COL18A1: variants seen among roughly 807,000 people sequenced by gnomAD.
COL18A1 encodes the protein collagen type XVIII alpha 1 chain.
COL18A1 carries 133 observed loss-of-function variants against 168.0 expected under a neutral mutation model. The observed-to-expected ratio is 0.79, with a 90% CI of 0.69 to 0.91. The LOEUF (loss-of-function observed/expected upper bound fraction) is 0.91. Ranked by LOEUF, COL18A1 falls within the 40% of genes least tolerant of loss-of-function variation. The pLI, the probability that COL18A1 is intolerant of heterozygous loss-of-function variation, is 0.00. For synonymous variants in COL18A1, 949 were observed against 809.0 expected (o/e 1.17, Z -2.94); for missense variants, 2,126 against 1,925.4 (o/e 1.10, Z -1.95).
chr21:45,405,550 C>T (rs2033069503), intron 2 of COL18A1, 77 bp downstream of exon 2: 1 of 906,764 alleles, frequency 1.1e-6, no homozygotes, highest in Non-Finnish European at 1.4e-6. Flanking sequence ...CCCCGCCCGG[C>T]TCCCTCACCC....
intron 2 of COL18A1, among the ~76,000 whole-genome samples, chr21:45,467,956 G>T (rs1016363878): frequency 6.6e-6 from 1 of 152,310 alleles, no homozygotes; most frequent in East Asian, 1.9e-4. Context: ...ATGGAAGGGG[G>T]CCTGTGGACA....
chr21:45,492,830 C>A, intron 24 of COL18A1, 117 bp downstream of exon 24: 1 of 824,682 alleles, frequency 1.2e-6, no homozygotes, highest in Non-Finnish European at 2.1e-6. Context: ...GGGATAGCGA[C>A]AGTCACTGCC....
chr21:45,505,468 C>A, intron 36 of COL18A1, 37 bp downstream of exon 36: 1 of 1,115,440 alleles, frequency 9.0e-7, no homozygotes. Flanking sequence ...ACCTGCGTCC[C>A]GTGCCCTGGC....
At chr21:45,482,410 G>A (rs914446591) in intron 14 of COL18A1, 5 of 604,816 alleles carry the variant, frequency 8.3e-6, no homozygotes, top group Non-Finnish European at 1.5e-5. Context: ...GCCCCCTGGG[G>A]AGCGGTCTCC....
In COL18A1 at chr21:45,509,427, GC is replaced by G; in HGVS notation, c.3322del (p.His1108ThrfsTer143). The G allele has an allele frequency of 6.5e-7, 1 of 1,536,270 alleles. No homozygotes were observed. ...HDSNPYPRREHPHPTARPWRA... is the reference protein window; with the variant it reads ...HDSNPYPRREXPHPTARPWRA... ...ACAGCAACCCCTACCCGCGGCGGGA[GC>G]ACCCCCACCCCACCGCGCGGCCCTG... On this transcript the variant is annotated frameshift_variant, in exon 39 of 42. Transcript: ENST00000651438. LOFTEE classifies it high-confidence loss of function.
At chr21:45,466,366 G>A (rs1264306272) in intron 2 of COL18A1, among the ~76,000 whole-genome samples, 3 of 152,186 alleles carry the variant, frequency 2.0e-5, no homozygotes, top group Non-Finnish European at 4.4e-5. Flanking sequence ...CCTGATTCCT[G>A]AGGGGGAAAT....
rs140875693 is a variant in COL18A1 at position 45,429,069 on chromosome 21, T to G, written c.106+23596T>G. Among the ~76,000 whole-genome samples the G allele has an allele frequency of 7.2e-3, 1,098 of 151,798 alleles. 7 individuals are homozygous for G. Among genetic ancestry groups the G allele is most frequent in the Middle Eastern group, 0.014 (4 of 294 alleles). ...AGGCGCGCCACCCCACCCGGCCAAT[T>G]TTTTTGTATTTTTAGTAGAGATGGG... On this transcript the variant is annotated intron_variant, in intron 2 of 41. Transcript: ENST00000651438.
chr21:45,498,155 C>A lies in COL18A1; in HGVS notation c.2683+494C>A, dbSNP rs1229045138. 3.0e-6 allele frequency: 2 copies of A among 663,374 alleles called. No homozygotes were observed. Among genetic ancestry groups the A allele is most frequent in the South Asian group, 1.6e-5 (1 of 61,098 alleles). The allele number at this position is 663,374 out of a possible 1,614,324, so 41.1% of individuals were successfully genotyped here. On this transcript the variant is annotated intron_variant, in intron 32 of 41. Transcript: ENST00000651438. This position sits in a 1 kb window ranked among gnomAD's most constrained non-coding sequence, Gnocchi z 4.5. ...TGAGCCCCACCTCCATTGAGGGTGG[C>A]AGGGCTGCTTGGATGTCCTGCCAAG...
Position 45,509,370 on chromosome 21 carries a change from C to T in COL18A1, c.3264C>T (p.Ala1088=), listed in dbSNP as rs550594814. 356 of 1,543,492 alleles carry T rather than the reference C, an allele frequency of 2.3e-4. No homozygotes were observed. The highest frequency in any genetic ancestry group is 1.2e-3 in the African/African-American group (85 of 73,100). Residue 1088 remains alanine, a synonymous_variant, in exon 39 of 42, where the codon GCC becomes GCT. Transcript: ENST00000651438. ...PLPRGTDNEV[A]ALQPPVVQLH... The stretch of plus-strand genomic sequence containing the variant: ...CCCACCTGCAGGACAATGAAGTGGC[C>T]GCCTTGCAGCCCCCCGTGGTGCAGC...
rs370054491 is a variant in COL18A1, at chr21:45,468,352, G to A, written c.217G>A (p.Asp73Asn). The A allele has an allele frequency of 1.7e-5, 27 of 1,613,654 alleles. No homozygotes were observed. Among genetic ancestry groups the A allele is most frequent in the Middle Eastern group, 1.6e-4 (1 of 6,084 alleles). The change falls in exon 3 of 42, where the codon GAT becomes AAT. Residue 73 changes from aspartate (D) to asparagine (N), a missense_variant. Physicochemically the swap from Asp to Asn is conservative, Grantham distance 23. Coordinates refer to ENST00000651438, the MANE Select transcript of COL18A1 (RefSeq NM_001379500.1). ...CGGGCTGGCCTACGTCTTTGGGCCA[G>A]ATGCCAACAGTGGCCAAGTGGCCCG... ...DVGLAYVFGP[D>N]ANSGQVARYH... is the part of the protein sequence containing the mutation.
At chr21:45,464,892 T>G (rs2035150183) in intron 2 of COL18A1, among the ~76,000 whole-genome samples, 1 of 152,212 alleles carries the variant, frequency 6.6e-6, no homozygotes, top group Non-Finnish European at 1.5e-5. Context: ...GCTTGTGGGT[T>G]CCAGCTGTTG....
In COL18A1 at chr21:45,477,830, A is replaced by C. The variant is rs1171001179; in HGVS notation, c.1086A>C (p.Leu362=). The C allele has an allele frequency of 1.3e-6, 2 of 1,552,680 alleles. No individual in the cohort carries two copies. Among genetic ancestry groups the C allele is most frequent in the South Asian group, 2.4e-5 (2 of 84,214 alleles). The change falls in exon 8 of 42, where the codon CTA becomes CTC. Residue 362 remains leucine, a synonymous_variant. Coordinates refer to ENST00000651438, the MANE Select transcript of COL18A1 (RefSeq NM_001379500.1). ...CAGGCCCCCCAGGATCCCCATGCCT[A>C]CCTGGTCCCCCGGGTCTCCCGTGCC... is the stretch of plus-strand genomic sequence containing the variant. The part of the protein sequence containing the change: ...GRAGPPGSPC[L]PGPPGLPCPV...
At chr21:45,472,317 G>A (rs1026604547) in intron 3 of COL18A1, among the ~76,000 whole-genome samples, 4 of 150,774 alleles carry the variant, frequency 2.7e-5, no homozygotes, top group Admixed American at 1.3e-4. Context: ...TCTGCCTCCC[G>A]GGTTCACGCC....
At position 45,496,506 on chromosome 21, in the gene COL18A1, C is replaced by CCCGG. The variant is rs1568928928; in HGVS notation, c.2518_2521dup (p.Pro841ArgfsTer24). 2 of 1,443,230 alleles carry CCCGG rather than the reference C, an allele frequency of 1.4e-6. No individual in the cohort carries two copies. Among genetic ancestry groups the CCCGG allele is most frequent in the Admixed American group, 3.3e-5 (2 of 59,810 alleles). The allele number at this position is 1,443,230 out of a possible 1,614,324, so 89.4% of individuals were successfully genotyped here. The stretch of plus-strand genomic sequence containing the variant: ...CTCTCTGCCCTCCCCACAGGGAATG[C>CCCGG]CCGGCCCCCCAGGACCTCCAGGGCC... On this transcript the variant is annotated frameshift_variant, in exon 30 of 42. Coordinates refer to ENST00000651438, the MANE Select transcript of COL18A1 (RefSeq NM_001379500.1). LOFTEE classifies it high-confidence loss of function.
At position 45,498,017 on chromosome 21, in the gene COL18A1, C is replaced by G. The variant is rs924840797; in HGVS notation, c.2683+356C>G. On this transcript the variant is annotated intron_variant, in intron 32 of 41. Coordinates refer to ENST00000651438, the MANE Select transcript of COL18A1 (RefSeq NM_001379500.1). This position sits in a 1 kb window ranked among gnomAD's most constrained non-coding sequence, Gnocchi z 4.5. ...GGGGCCGGGGGTCGGCACTGGAGGA[C>G]CCTCTGTCGAGAAACTCTCCAGGGT... 7.2e-5 allele frequency among the ~76,000 whole-genome samples: 11 copies of G among 152,088 alleles called. No individual in the cohort carries two copies. The highest frequency in any genetic ancestry group is 2.7e-4 in the African/African-American group (11 of 41,404).
In COL18A1 at chr21:45,480,098, C is replaced by T. The variant is rs1360648747; in HGVS notation, c.1340C>T (p.Pro447Leu). 3 of 1,607,778 alleles carry T rather than the reference C, an allele frequency of 1.9e-6. No individual in the cohort carries two copies. The highest frequency in any genetic ancestry group is 2.2e-5 in the East Asian group (1 of 44,782). Residue 447 changes from proline to leucine, a missense_variant, in exon 11 of 42, where the codon CCC (proline) becomes CTC (leucine). Transcript: ENST00000651438. ...KGDPGVGERG[P>L]PGPQGPPGPP... ...GACCCTGGGGTTGGAGAGAGAGGGC[C>T]CCCAGGACCCCAAGGGCCTCCAGGG...
chr21:45,481,891 T>C, intron 13 of COL18A1, 72 bp from the exon 14 acceptor site: 1 of 1,085,768 alleles, frequency 9.2e-7, no homozygotes, highest in South Asian at 1.3e-5. Flanking sequence ...GAAGCCCAGA[T>C]AACCTGTTAA....
chr21:45,445,285 G>A (rs1056777960), intron 2 of COL18A1, among the ~76,000 whole-genome samples: 11 of 152,222 alleles, frequency 7.2e-5, no homozygotes, highest in African/African-American at 2.4e-4. Context: ...CCCTGTCCCA[G>A]GGCTTCATTC....
chr21:45,412,253 T>C (rs1044939701), intron 2 of COL18A1, among the ~76,000 whole-genome samples: 18 of 147,650 alleles, frequency 1.2e-4, no homozygotes, highest in Admixed American at 2.7e-4. Flanking sequence ...TTTTTTTTTT[T>C]CGAGATGGAG....
Sources: gnomAD v4.1 joint callset for allele counts (sites outside exome capture counted in the v4.1 genomes callset) on GRCh38, gnomAD v4.1.1 for gene constraint, Gnocchi (gnomAD v3.1) non-coding constraint, MANE v1.5 for transcripts, NCBI Gene and HGNC (gene_info 2026-07-23, HGNC 2026-07-21) for gene names.